Variants in ZNF385B observed in about 807,000 individuals in gnomAD.
ZNF385B encodes zinc finger protein 385B, also known as zinc finger protein 533.
Under a neutral mutation model 39.2 loss-of-function variants are expected in ZNF385B, and 23 were observed. The observed-to-expected ratio is 0.59, with a 90% CI of 0.42 to 0.83. The LOEUF (loss-of-function observed/expected upper bound fraction) is 0.83. Ranked by LOEUF, ZNF385B falls within the 40% of genes least tolerant of loss-of-function variation. ZNF385B has a pLI of 0.00. For synonymous variants in ZNF385B, 205 were observed against 222.6 expected (o/e 0.92, Z 0.70); for missense variants, 552 against 598.9 (o/e 0.92, Z 0.82).
At chr2:179,506,305 T>C (rs2057250988) in intron 5 of ZNF385B, among the ~76,000 whole-genome samples, 2 of 151,824 alleles carry the variant, frequency 1.3e-5, no homozygotes, top group South Asian at 2.1e-4. Flanking sequence ...TTTTGTGTTT[T>C]AGACTTAAGT....
chr2:179,699,924 C>T (rs1318409899), intron 3 of ZNF385B, among the ~76,000 whole-genome samples: 1 of 152,140 alleles, frequency 6.6e-6, no homozygotes, highest in Admixed American at 6.5e-5. Flanking sequence ...ATCATCGACA[C>T]CACTCACCTT....
At position 179,712,411 on chromosome 2, in the gene ZNF385B, G is replaced by A. The variant is rs73973705; in HGVS notation, c.298+57092C>T. ...ATATGTTAAACTCCCTAAGCATTCTGGAGTGAGTAGCACTATCCACAGCCA... is the reference window on the plus strand; with the variant it reads ...ATATGTTAAACTCCCTAAGCATTCTAGAGTGAGTAGCACTATCCACAGCCA... On this transcript the variant is annotated intron_variant, in intron 3 of 9. Transcript: ENST00000410066. 1.9e-3 allele frequency among the ~76,000 whole-genome samples: 284 copies of A among 152,290 alleles called. 2 individuals are homozygous for A. The highest frequency in any genetic ancestry group is 6.6e-3 in the African/African-American group (276 of 41,556).
chr2:179,503,860 CTT>C (rs796211492), intron 5 of ZNF385B, among the ~76,000 whole-genome samples: 1,197 of 112,260 alleles, frequency 0.011, 19 homozygotes, highest in African/African-American at 0.036. Flanking sequence ...GCCACATTTT[CTT>C]TTTTTTTTTT....
intron 4 of ZNF385B, among the ~76,000 whole-genome samples, chr2:179,536,945 T>C (rs1197804973): frequency 6.6e-6 from 1 of 152,228 alleles, no homozygotes; most frequent in Admixed American, 6.5e-5. Flanking sequence ...AAGCCCTTAG[T>C]AAGATAAATC....
chr2:179,524,484 A>G (rs187468023), intron 4 of ZNF385B, among the ~76,000 whole-genome samples: 537 of 137,114 alleles, frequency 3.9e-3, no homozygotes, highest in Non-Finnish European at 6.7e-3. Flanking sequence ...CCTGGGAGGC[A>G]GAGCTTGCAG....
At chr2:179,751,318 C>T (rs1454456444) in intron 3 of ZNF385B, among the ~76,000 whole-genome samples, 3 of 151,938 alleles carry the variant, frequency 2.0e-5, no homozygotes, top group Non-Finnish European at 4.4e-5. Flanking sequence ...ATAATAAGTT[C>T]CATCAGAATA....
At chr2:179,649,699 T>C (rs564198528) in intron 3 of ZNF385B, among the ~76,000 whole-genome samples, 1 of 152,328 alleles carries the variant, frequency 6.6e-6, no homozygotes, top group African/African-American at 2.4e-5. Context: ...TAGTTTTGAT[T>C]TATTTTGTTT....
chr2:179,466,262 T>G lies in ZNF385B; in HGVS notation c.715+17010A>C, dbSNP rs560475449. The stretch of plus-strand genomic sequence containing the variant: ...GCAGGTCTAGTATTTTGATGTTTGA[T>G]GAAATGAACAAATCTGTGATTATCT... On this transcript the variant is annotated intron_variant, in intron 6 of 9. Transcript: ENST00000410066. 1.6e-3 allele frequency among the ~76,000 whole-genome samples: 239 copies of G among 152,266 alleles called. 1 individual carries two copies. The highest frequency in any genetic ancestry group is 5.4e-3 in the African/African-American group (225 of 41,572).
chr2:179,772,270 A>T (rs1228314351), intron 1 of ZNF385B, among the ~76,000 whole-genome samples: 1 of 152,202 alleles, frequency 6.6e-6, no homozygotes, highest in African/African-American at 2.4e-5. Context: ...ACCTCTTCAG[A>T]GTACCAGCAT....
chr2:179,574,455 A>G (rs1685577309), intron 3 of ZNF385B, among the ~76,000 whole-genome samples: 1 of 152,322 alleles, frequency 6.6e-6, no homozygotes, highest in African/African-American at 2.4e-5. Flanking sequence ...TGAGCAAGAT[A>G]TTTATCTGCT....
At chr2:179,723,171 T>C (rs996207191) in intron 3 of ZNF385B, among the ~76,000 whole-genome samples, 23 of 152,238 alleles carry the variant, frequency 1.5e-4, no homozygotes, top group African/African-American at 5.1e-4. Flanking sequence ...ACTTAATATA[T>C]AATAATTGAC....
chr2:179,818,144 A>G (rs911669873), intron 1 of ZNF385B, among the ~76,000 whole-genome samples: 1 of 152,116 alleles, frequency 6.6e-6, no homozygotes, highest in African/African-American at 2.4e-5. Flanking sequence ...ATCAGCATCT[A>G]TCTGGGAGGA....
At chr2:179,814,700 ATGT>A (rs1706953434) in intron 1 of ZNF385B, 1 of 264,714 alleles carries the variant, frequency 3.8e-6, no homozygotes, top group Non-Finnish European at 7.7e-6. Flanking sequence ...GTGTGGATAA[ATGT>A]TGTGGAGGCC....
intron 4 of ZNF385B, among the ~76,000 whole-genome samples, chr2:179,525,282 G>A (rs932320930): frequency 6.6e-6 from 1 of 152,152 alleles, no homozygotes; most frequent in Middle Eastern, 3.2e-3. Context: ...AGGTGCTTAA[G>A]GAAAAGTTTT....
intron 5 of ZNF385B, among the ~76,000 whole-genome samples, chr2:179,516,701 G>C (rs982499664): frequency 6.6e-6 from 1 of 151,944 alleles, no homozygotes; most frequent in Non-Finnish European, 1.5e-5. Flanking sequence ...TCTATAGCTT[G>C]TTTTTTCATT....
rs536580601 is a variant in ZNF385B, at chr2:179,567,112, G to A, written c.299-22143C>T. The stretch of plus-strand genomic sequence containing the variant: ...GTATTTTTAGTTGAGACAGGGTTTC[G>A]CCATGTTGGCCAGGCTGGTCTCGAA... On this transcript the variant is annotated intron_variant, in intron 3 of 9. Transcript: ENST00000410066. 1.2e-3 allele frequency among the ~76,000 whole-genome samples: 188 copies of A among 151,790 alleles called. 2 individuals are homozygous for A. The South Asian group carries it at 0.019, about 16-fold the overall frequency.
intron 3 of ZNF385B, among the ~76,000 whole-genome samples, chr2:179,608,018 G>T (rs1326775082): frequency 6.7e-6 from 1 of 149,458 alleles, no homozygotes; most frequent in Non-Finnish European, 1.5e-5. Context: ...GGGTTTGAGC[G>T]ATTCTCCTGC....
At chr2:179,683,278 T>A (rs1022806666) in intron 3 of ZNF385B, among the ~76,000 whole-genome samples, 3 of 151,758 alleles carry the variant, frequency 2.0e-5, no homozygotes, top group Non-Finnish European at 2.9e-5. Context: ...TAATCGCAGC[T>A]ACTCAGGAGG....
intron 3 of ZNF385B, among the ~76,000 whole-genome samples, chr2:179,586,689 G>A (rs766631677): frequency 6.6e-6 from 1 of 152,206 alleles, no homozygotes; most frequent in African/African-American, 2.4e-5. Context: ...AATATTTAAT[G>A]AGGAGCTATT....
Sources: allele counts gnomAD v4.1 joint callset (sites outside exome capture counted in the v4.1 genomes callset), GRCh38; gene constraint gnomAD v4.1.1; transcripts MANE v1.5; gene names NCBI Gene and HGNC (gene_info 2026-07-23, HGNC 2026-07-21).